Variants in TBR1 observed in about 807,000 individuals in gnomAD.
The protein encoded by TBR1 is T-box brain transcription factor 1.
TBR1 carries 7 observed loss-of-function variants against 60.3 expected under a neutral mutation model. The observed-to-expected ratio is 0.12, with a 90% CI of 0.07 to 0.22. The LOEUF is 0.22. Ranked by LOEUF, TBR1 falls within the 10% of genes least tolerant of loss-of-function variation. The pLI, the probability that TBR1 is intolerant of heterozygous loss-of-function variation, is 1.00. For missense variants in TBR1, 616 were observed against 936.8 expected, an observed-to-expected ratio of 0.66 and a Z score of 4.47; for synonymous variants, 417 against 409.9, an observed-to-expected ratio of 1.02 and a Z score of -0.21.
At chr2:161,421,964 A>ACACACACG (rs1167701651) in intron 5 of TBR1, 1 of 152,272 alleles carries the variant, frequency 6.6e-6, no homozygotes, top group Non-Finnish European at 1.5e-5. Flanking sequence ...ACACACACAC[A>ACACACACG]CAAACCTGAG....
Position 161,423,698 on chromosome 2 carries a change from C to A in TBR1, c.1520C>A (p.Ala507Glu). ...ASAYDTATDF[A>E]GNAATLLSYA... ...GCCTATGACACGGCCACGGACTTCG[C>A]GGGCAACGCGGCCACGCTGCTCTCT... The change falls in exon 6 of 6, where the codon GCG (alanine) becomes GAG (glutamate). Residue 507 changes from alanine (A) to glutamate (E), a missense_variant. Ala to Glu is a moderately radical substitution (Grantham distance 107). This residue lies in a region of TBR1 where 210 missense variants were observed against 297.4 expected (regional missense o/e 0.71). Coordinates refer to ENST00000389554, the MANE Select transcript of TBR1 (RefSeq NM_006593.4). 6.5e-7 allele frequency: 1 copy of A among 1,537,070 alleles called. No homozygotes were observed.
chr2:161,423,735 G>A lies in TBR1; in HGVS notation c.1557G>A (p.Ala519=), dbSNP rs1684274444. Residue 519 remains alanine (A), a synonymous_variant, in exon 6 of 6, where the codon GCG becomes GCA. Transcript: ENST00000389554. ...CCACGCTGCTCTCTTACGCGGCGGC[G>A]GGCGTGAAGGCGCTGCCGCTGCAGG... ...NAATLLSYAA[A]GVKALPLQAA... 1 of 1,516,136 alleles carries A rather than the reference G, an allele frequency of 6.6e-7. No homozygotes were observed. The highest frequency in any genetic ancestry group is 8.8e-7 in the Non-Finnish European group (1 of 1,139,886). 93.9% of individuals were successfully genotyped at this position (1,516,136 alleles called of 1,614,324 possible).
rs1684275472 is a variant in TBR1 at position 161,423,803 on chromosome 2, C to G, written c.1625C>G (p.Pro542Arg). 2.7e-6 allele frequency: 4 copies of G among 1,476,860 alleles called. No homozygotes were observed. The East Asian group carries it at 8.6e-5, about 32-fold the overall frequency. The allele number at this position is 1,476,860 out of a possible 1,614,324, so 91.5% of individuals were successfully genotyped here. ...CGCCCGCTCGGCTACTACGCCGACC[C>G]GTCGGGCTGGGGCGCCCGCAGTCCC... is the stretch of plus-strand genomic sequence containing the variant. ...TGRPLGYYAD[P>R]SGWGARSPPQ... The change falls in exon 6 of 6, where the codon CCG becomes CGG. Residue 542 changes from proline (P) to arginine (R), a missense_variant. Coordinates refer to ENST00000389554, the MANE Select transcript of TBR1 (RefSeq NM_006593.4).
At position 161,416,417 on chromosome 2, in the gene TBR1, C is replaced by G; in HGVS notation, c.7C>G (p.Leu3Val). 1 of 1,590,440 alleles carries G rather than the reference C, an allele frequency of 6.3e-7. No homozygotes were observed. ...GTGTTCAGGTTCTAGAGCTATGCAG[C>G]TGGAGCACTGCCTTTCTCCTTCTAT... is the stretch of plus-strand genomic sequence containing the variant. MQ[L>V]EHCLSPSIML... The change falls in exon 1 of 6, where the codon CTG (leucine) becomes GTG (valine). Residue 3 changes from leucine to valine, a missense_variant. By Grantham distance (32) the Leu-to-Val change is conservative. Coordinates refer to ENST00000389554, the MANE Select transcript of TBR1 (RefSeq NM_006593.4). This position sits in a 1 kb window ranked among gnomAD's most constrained non-coding sequence, Gnocchi z 6.1.
intron 5 of TBR1, chr2:161,421,985 G>C (rs968361988): frequency 6.7e-6 from 1 of 148,422 alleles, no homozygotes; most frequent in Non-Finnish European, 1.5e-5. Flanking sequence ...ATTTTTAGGG[G>C]ACAGAGAAGA....
Position 161,421,230 on chromosome 2 carries a change from T to C in TBR1, c.1190+973T>C, listed in dbSNP as rs1026442176. 4.6e-5 allele frequency: 7 copies of C among 152,272 alleles called. No individual in the cohort carries two copies. The East Asian group carries it at 9.6e-4, about 21-fold the overall frequency. The allele number at this position is 152,272 out of a possible 1,614,324, so 9.4% of individuals were successfully genotyped here. ...GAGCGCCTGAGACAGAGCTAAAAAG[T>C]TGAAGCTGCCTTTGACTAGCATAGA... On this transcript the variant is annotated intron_variant, in intron 5 of 5. Transcript: ENST00000389554.
intron 2 of TBR1, 95 bp from the exon 3 acceptor site, chr2:161,418,096 ATGTGTGTGTG>A (rs78592009): frequency 1.0e-3 from 1,469 of 1,412,690 alleles, no homozygotes; most frequent in African/African-American, 9.7e-3. Flanking sequence ...AGGTGTGTGT[ATGTGTGTGTG>A]TGTGTGTGTG....
intron 5 of TBR1, 197 bp from the exon 6 acceptor site, chr2:161,423,172 T>A: frequency 6.7e-6 from 3 of 444,578 alleles, no homozygotes; most frequent in Non-Finnish European, 1.2e-5. Flanking sequence ...TCCTCTATAA[T>A]TCCGTGATTT....
Position 161,424,878 on chromosome 2 carries a change from C to G in TBR1, c.*651C>G, listed in dbSNP as rs924344151. ...CTTTCTTTGCTTTTCTTTCTCTCCT[C>G]TCATACTTTCTCTTCTCTCTCTTTT... On this transcript the variant is annotated 3_prime_UTR_variant, in exon 6 of 6. Transcript: ENST00000389554. The surrounding 1 kb of genome is among the most constrained non-coding windows in gnomAD (Gnocchi z 4.4). 6.6e-6 allele frequency: 1 copy of G among 152,624 alleles called. No homozygotes were observed. The highest frequency in any genetic ancestry group is 1.5e-5 in the Non-Finnish European group (1 of 68,056). 9.5% of individuals were successfully genotyped at this position (152,624 alleles called of 1,614,324 possible). A position where few individuals can be genotyped will look rare whatever the true frequency, so the allele number is the denominator to read the frequency against.
At chr2:161,421,150 G>A (rs946449406) in intron 5 of TBR1, 1 of 152,218 alleles carries the variant, frequency 6.6e-6, no homozygotes, top group Non-Finnish European at 1.5e-5. Flanking sequence ...GTTCCCCCAC[G>A]TTTTCTGACC....
chr2:161,422,405 T>A (rs550092512), intron 5 of TBR1: 3 of 152,366 alleles, frequency 2.0e-5, no homozygotes, highest in Non-Finnish European at 2.9e-5. Flanking sequence ...GCAAGTTATT[T>A]AACTTCCTTT....
rs1684291647 is a variant in TBR1 at position 161,424,517 on chromosome 2, G to T, written c.*290G>T. ...TCCTCCTACAATTCCCCTCCCCCTC[G>T]TCTTTCTCTTACCTCCTACTTCTCT... On this transcript the variant is annotated 3_prime_UTR_variant, in exon 6 of 6. Transcript: ENST00000389554. The surrounding 1 kb of genome is among the most constrained non-coding windows in gnomAD (Gnocchi z 4.4). 2.7e-6 allele frequency: 1 copy of T among 364,316 alleles called. No individual in the cohort carries two copies. The allele number at this position is 364,316 out of a possible 1,614,324, so 22.6% of individuals were successfully genotyped here.
At chr2:161,418,750 C>A in intron 3 of TBR1, 142 bp from the exon 4 acceptor site, 2 of 1,157,270 alleles carry the variant, frequency 1.7e-6, no homozygotes, top group Non-Finnish European at 2.4e-6. Context: ...GCCAGCCAGG[C>A]GAGTCCCGCG....
chr2:161,423,285 G>A, intron 5 of TBR1, 84 bp from the exon 6 acceptor site: 1 of 1,058,232 alleles, frequency 9.4e-7, no homozygotes, highest in Middle Eastern at 2.2e-4. Flanking sequence ...AAGTGGAGGT[G>A]GCCTTCCCTT....
intron 5 of TBR1, 196 bp downstream of exon 5, chr2:161,420,453 C>G: frequency 4.5e-6 from 1 of 219,810 alleles, no homozygotes; most frequent in Non-Finnish European, 8.1e-6. Flanking sequence ...GTTGGCTCCC[C>G]TTCTCTCTGG....
chr2:161,423,852 G>A lies in TBR1; in HGVS notation c.1674G>A (p.Ser558=). The A allele has an allele frequency of 1.4e-6, 2 of 1,463,490 alleles. No individual in the cohort carries two copies. Among genetic ancestry groups the A allele is most frequent in the Non-Finnish European group, 1.8e-6 (2 of 1,109,536 alleles). 90.7% of individuals were successfully genotyped at this position (1,463,490 alleles called of 1,614,324 possible). A position where few individuals can be genotyped will look rare whatever the true frequency, so the allele number is the denominator to read the frequency against. Residue 558 remains serine, a synonymous_variant, in exon 6 of 6, where the codon TCG becomes TCA. Transcript: ENST00000389554. ...RSPPQYCGTK[S]GSVLPCWPNS... ...CCCCGCAGTACTGCGGCACCAAGTC[G>A]GGCTCGGTGCTGCCCTGCTGGCCCA...
chr2:161,425,062 G>T lies in TBR1; in HGVS notation c.*835G>T, dbSNP rs1684300320. The T allele has an allele frequency of 6.6e-6, 1 of 152,202 alleles. No homozygotes were observed. The allele number at this position is 152,202 out of a possible 1,614,324, so 9.4% of individuals were successfully genotyped here. On this transcript the variant is annotated 3_prime_UTR_variant, in exon 6 of 6. Transcript: ENST00000389554. ...AGAATCCACCCAAACACCTTTAAAGGATAGGTGTCTGTTCATAGGCAAGTC... is the reference window on the plus strand; with the variant it reads ...AGAATCCACCCAAACACCTTTAAAGTATAGGTGTCTGTTCATAGGCAAGTC...
chr2:161,420,353 G>T, intron 5 of TBR1, 96 bp downstream of exon 5: 2 of 817,576 alleles, frequency 2.4e-6, no homozygotes, highest in African/African-American at 1.8e-5. Flanking sequence ...AAGCTGGAAT[G>T]TGTGAAGACA....
Position 161,424,508 on chromosome 2 carries a change from CT to C in TBR1, c.*282del. 2.6e-6 allele frequency: 1 copy of C among 381,674 alleles called. No individual in the cohort carries two copies. Among genetic ancestry groups the C allele is most frequent in the Non-Finnish European group, 4.7e-6 (1 of 211,096 alleles). 23.6% of individuals were successfully genotyped at this position (381,674 alleles called of 1,614,324 possible). A position where few individuals can be genotyped will look rare whatever the true frequency, so the allele number is the denominator to read the frequency against. On this transcript the variant is annotated 3_prime_UTR_variant, in exon 6 of 6. Coordinates refer to ENST00000389554, the MANE Select transcript of TBR1 (RefSeq NM_006593.4). The surrounding 1 kb of genome is among the most constrained non-coding windows in gnomAD (Gnocchi z 4.4). Reference sequence around the variant, plus strand: ...GTGGAGTTATCCTCCTACAATTCCCCTCCCCCTCGTCTTTCTCTTACCTCCT... The same window carrying C: ...GTGGAGTTATCCTCCTACAATTCCCCCCCCCTCGTCTTTCTCTTACCTCCT...
Sources: allele counts gnomAD v4.1 joint callset, GRCh38; gene constraint gnomAD v4.1.1; regional missense constraint gnomAD v4.1.1; non-coding constraint Gnocchi (gnomAD v3.1); transcripts MANE v1.5; gene names NCBI Gene and HGNC (gene_info 2026-07-23, HGNC 2026-07-21).